HS6ST3: variants seen among roughly 807,000 people sequenced by gnomAD.
HS6ST3 encodes the protein heparan-sulfate 6-O-sulfotransferase 3.
HS6ST3 carries 12 observed loss-of-function variants against 36.7 expected under a neutral mutation model. The ratio of observed to expected loss-of-function variants is 0.33; its 90% CI spans 0.21 to 0.53. The LOEUF (loss-of-function observed/expected upper bound fraction) is 0.53, where lower values mean the gene tolerates loss of function less well. Among genes scored for constraint, HS6ST3 ranks in the 20% least tolerant of loss-of-function variants. HS6ST3 has a pLI of 0.95. For synonymous variants in HS6ST3, 240 were observed against 257.5 expected, an observed-to-expected ratio of 0.93 and a Z score of 0.65; for missense variants, 584 against 640.9, an observed-to-expected ratio of 0.91 and a Z score of 0.96.
chr13:96,304,699 CTTTCTTTCTTTCTTTTTTTT>C (rs1212627023), intron 1 of HS6ST3, among the ~76,000 whole-genome samples: 1 of 93,712 alleles, frequency 1.1e-5, no homozygotes, highest in African/African-American at 5.0e-5. Context: ...TTCTTTCTTT[CTTTCTTTCTTTCTTTTTTTT>C]TTTTTTTTTT....
At chr13:96,317,656 G>A (rs1215383186) in intron 1 of HS6ST3, among the ~76,000 whole-genome samples, 3 of 150,514 alleles carry the variant, frequency 2.0e-5, no homozygotes, top group Non-Finnish European at 4.4e-5. Flanking sequence ...TACGGTGGCC[G>A]AACTAATTTA....
At chr13:96,491,489 A>AAC (rs2055945409) in intron 1 of HS6ST3, among the ~76,000 whole-genome samples, 1 of 151,440 alleles carries the variant, frequency 6.6e-6, no homozygotes. Context: ...AAAAAAAAAA[A>AAC]ATACCCAGAA....
chr13:96,734,973 G>A (rs760409192), intron 1 of HS6ST3, among the ~76,000 whole-genome samples: 1 of 151,904 alleles, frequency 6.6e-6, no homozygotes, highest in Non-Finnish European at 1.5e-5. Flanking sequence ...AACAAACTCT[G>A]GCATTCTCCC....
chr13:96,558,318 G>T (rs1266599353), intron 1 of HS6ST3, among the ~76,000 whole-genome samples: 1 of 152,098 alleles, frequency 6.6e-6, no homozygotes, highest in Non-Finnish European at 1.5e-5. Context: ...CCAAGTTCTG[G>T]GAGAGTGTCT....
In HS6ST3 at chr13:96,421,881, T is replaced by TG. The variant is rs368778875; in HGVS notation, c.707+330314dup. ...TGTCCAGTTTATAAATTTAGATATT[T>TG]GGCATGTAGATAAGTAAATGTTTAT... On this transcript the variant is annotated intron_variant, in intron 1 of 1. Transcript: ENST00000376705. Among the ~76,000 whole-genome samples the TG allele has an allele frequency of 3.5e-3, 532 of 152,362 alleles. 1 individual carries two copies. Among genetic ancestry groups the TG allele is most frequent in the Middle Eastern group, 0.027 (8 of 294 alleles).
At chr13:96,482,646 C>A (rs937442743) in intron 1 of HS6ST3, among the ~76,000 whole-genome samples, 1 of 152,062 alleles carries the variant, frequency 6.6e-6, no homozygotes, top group African/African-American at 2.4e-5. Context: ...AAATGACTTT[C>A]CATCAATTCC....
At chr13:96,809,154 A>G (rs1878263691) in intron 1 of HS6ST3, among the ~76,000 whole-genome samples, 1 of 152,194 alleles carries the variant, frequency 6.6e-6, no homozygotes, top group Non-Finnish European at 1.5e-5. Context: ...GAAGTTCATC[A>G]TGTTTGAGTT....
chr13:96,279,915 T>C (rs12050036), intron 1 of HS6ST3, among the ~76,000 whole-genome samples: 8,584 of 152,248 alleles, frequency 0.056, 326 homozygotes, highest in East Asian at 0.16. Context: ...TCTTTTAAGA[T>C]TGTTAATATT....
At chr13:96,530,010 T>C (rs2056129308) in intron 1 of HS6ST3, among the ~76,000 whole-genome samples, 1 of 152,184 alleles carries the variant, frequency 6.6e-6, no homozygotes, top group African/African-American at 2.4e-5. Flanking sequence ...TTGGGGCTGA[T>C]CTTCAAGTTC....
At chr13:96,580,163 G>T (rs2056336476) in intron 1 of HS6ST3, among the ~76,000 whole-genome samples, 1 of 146,178 alleles carries the variant, frequency 6.8e-6, no homozygotes. Context: ...ATTCATTAAT[G>T]AATAAGCATC....
chr13:96,690,504 G>A (rs1485771371), intron 1 of HS6ST3, among the ~76,000 whole-genome samples: 1 of 151,996 alleles, frequency 6.6e-6, no homozygotes, highest in Non-Finnish European at 1.5e-5. Flanking sequence ...ATGTGCCCCA[G>A]GACCTGCATG....
At chr13:96,491,635 C>T (rs1318737985) in intron 1 of HS6ST3, among the ~76,000 whole-genome samples, 1 of 152,076 alleles carries the variant, frequency 6.6e-6, no homozygotes, top group African/African-American at 2.4e-5. Flanking sequence ...AACTTGCATA[C>T]TCATAGACAT....
chr13:96,304,923 C>T (rs1413477223), intron 1 of HS6ST3, among the ~76,000 whole-genome samples: 1 of 151,668 alleles, frequency 6.6e-6, no homozygotes, highest in Non-Finnish European at 1.5e-5. Context: ...ATTGGCCAGG[C>T]TGGTCTCGAA....
chr13:96,333,049 C>T (rs1044425142), intron 1 of HS6ST3, among the ~76,000 whole-genome samples: 5 of 152,324 alleles, frequency 3.3e-5, no homozygotes, highest in East Asian at 1.9e-4. Context: ...ACTTCTCAGC[C>T]TCTAAAACTG....
chr13:96,597,293 A>G (rs1381685217), intron 1 of HS6ST3, among the ~76,000 whole-genome samples: 2 of 152,040 alleles, frequency 1.3e-5, no homozygotes, highest in East Asian at 3.9e-4. Context: ...CTATGACACA[A>G]GCTTACCTAC....
intron 1 of HS6ST3, among the ~76,000 whole-genome samples, chr13:96,236,701 A>G (rs1365884438): frequency 6.6e-6 from 1 of 152,204 alleles, no homozygotes; most frequent in African/African-American, 2.4e-5. Flanking sequence ...TTAATTTTAA[A>G]TGCATGATCA....
intron 1 of HS6ST3, among the ~76,000 whole-genome samples, chr13:96,442,778 T>TAAA (rs57528030): frequency 1.6e-5 from 2 of 124,270 alleles, no homozygotes; most frequent in Non-Finnish European, 3.5e-5. Flanking sequence ...CAATTGGAAG[T>TAAA]AAAAAAAAAA....
At chr13:96,785,340 G>T (rs535834719) in intron 1 of HS6ST3, among the ~76,000 whole-genome samples, 1 of 152,258 alleles carries the variant, frequency 6.6e-6, no homozygotes, top group African/African-American at 2.4e-5. Context: ...ATGTAGAGCA[G>T]TAAATGGGTC....
intron 1 of HS6ST3, among the ~76,000 whole-genome samples, chr13:96,706,816 G>A (rs1162796388): frequency 6.6e-6 from 1 of 152,110 alleles, no homozygotes; most frequent in East Asian, 1.9e-4. Flanking sequence ...ACTGAGTCTA[G>A]TTCTGATTGT....
Sources: allele counts gnomAD v4.1 joint callset (sites outside exome capture counted in the v4.1 genomes callset), GRCh38; gene constraint gnomAD v4.1.1; transcripts MANE v1.5; gene names NCBI Gene and HGNC (gene_info 2026-07-23, HGNC 2026-07-21).